The following BBS9 variants were observed in gnomAD, a reference collection of about 807,000 sequenced individuals.
BBS9 encodes Bardet-Biedl syndrome 9.
BBS9 carries 89 observed loss-of-function variants against 117.7 expected under a neutral mutation model. That is an observed-to-expected ratio of 0.76 (90% CI 0.64 to 0.90). The LOEUF (loss-of-function observed/expected upper bound fraction) is 0.90, where lower values mean the gene tolerates loss of function less well. Among genes scored for constraint, BBS9 ranks in the 40% least tolerant of loss-of-function variants. BBS9 has a pLI of 0.00. For missense variants in BBS9, 982 were observed against 1,042.2 expected, an observed-to-expected ratio of 0.94 and a Z score of 0.80; for synonymous variants, 379 against 370.9, an observed-to-expected ratio of 1.02 and a Z score of -0.25.
chr7:33,468,218 G>A (rs540792932), intron 19 of BBS9, among the ~76,000 whole-genome samples: 7 of 152,216 alleles, frequency 4.6e-5, no homozygotes, highest in Non-Finnish European at 7.4e-5. Context: ...AATGAAGGCC[G>A]TGTGGACACA....
At chr7:33,589,016 C>T (rs779007125) in intron 21 of BBS9, among the ~76,000 whole-genome samples, 1 of 152,082 alleles carries the variant, frequency 6.6e-6, no homozygotes. Context: ...CATGACTTTA[C>T]CTTTTAAAAC....
chr7:33,547,524 A>G (rs1449919721), intron 21 of BBS9, among the ~76,000 whole-genome samples: 4 of 152,244 alleles, frequency 2.6e-5, no homozygotes. Flanking sequence ...CTGGGTATAC[A>G]TGAAAAATTT....
chr7:33,578,467 A>G (rs1244696788), intron 21 of BBS9, among the ~76,000 whole-genome samples: 1 of 152,198 alleles, frequency 6.6e-6, no homozygotes, highest in African/African-American at 2.4e-5. Flanking sequence ...CTTTTTTCAC[A>G]GGAAGTCACC....
At chr7:33,564,194 T>A (rs910312947) in intron 21 of BBS9, among the ~76,000 whole-genome samples, 2 of 152,208 alleles carry the variant, frequency 1.3e-5, no homozygotes, top group African/African-American at 4.8e-5. Context: ...ATAGTGTAAT[T>A]TATCTGCTAT....
At chr7:33,315,777 A>G (rs1381321804) in intron 9 of BBS9, among the ~76,000 whole-genome samples, 1 of 152,186 alleles carries the variant, frequency 6.6e-6, no homozygotes, top group Non-Finnish European at 1.5e-5. Flanking sequence ...ATGTGTATAC[A>G]TGTATTAATT....
chr7:33,621,363 A>T (rs2129222841), intron 21 of BBS9, among the ~76,000 whole-genome samples: 1 of 152,332 alleles, frequency 6.6e-6, no homozygotes, highest in South Asian at 2.1e-4. Flanking sequence ...AAAGAATCTG[A>T]TTGAAAAATG....
Position 33,273,075 on chromosome 7 carries a change from T to C in BBS9, c.766T>C (p.Ser256Pro). 1 of 1,613,796 alleles carries C rather than the reference T, an allele frequency of 6.2e-7. No homozygotes were observed. The highest frequency in any genetic ancestry group is 8.5e-7 in the Non-Finnish European group (1 of 1,179,810). The change falls in exon 8 of 23, where the codon TCG (serine) becomes CCG (proline). Residue 256 changes from serine to proline, a missense_variant. Ser to Pro is a moderately conservative substitution (Grantham distance 74, BLOSUM62 -1). Transcript: ENST00000242067. ...CATATGTATTGTCTCTTTCAATCAGTCGGCATCCTCTGTTTTTGTTCTTGG... is the reference window on the plus strand; with the variant it reads ...CATATGTATTGTCTCTTTCAATCAGCCGGCATCCTCTGTTTTTGTTCTTGG... ...LDICIVSFNQ[S>P]ASSVFVLGER...
chr7:33,503,754 A>AG (rs1491315490), intron 19 of BBS9, among the ~76,000 whole-genome samples: 1 of 151,626 alleles, frequency 6.6e-6, no homozygotes, highest in Non-Finnish European at 1.5e-5. Context: ...AGGAAGAAAA[A>AG]GAGTATAAAC....
At chr7:33,349,360 G>A (rs764237032) in intron 13 of BBS9, 190 bp downstream of exon 13, 1 of 623,588 alleles carries the variant, frequency 1.6e-6, no homozygotes. Context: ...ATGATTGTTG[G>A]GTCAAATTAA....
intron 12 of BBS9, among the ~76,000 whole-genome samples, chr7:33,347,737 A>G (rs1172138002): frequency 6.6e-6 from 1 of 151,470 alleles, no homozygotes; most frequent in East Asian, 1.9e-4. Flanking sequence ...ATATATAAAA[A>G]TATTATATAT....
intron 19 of BBS9, among the ~76,000 whole-genome samples, chr7:33,417,293 G>A (rs1277894748): frequency 1.3e-5 from 2 of 152,168 alleles, no homozygotes; most frequent in African/African-American, 2.4e-5. Context: ...ACAGTTTATA[G>A]CATTGTCTCA....
At chr7:33,146,220 A>T (rs1291784944) in intron 1 of BBS9, 22 bp from the exon 2 acceptor site, 1 of 1,494,104 alleles carries the variant, frequency 6.7e-7, no homozygotes, top group Non-Finnish European at 9.3e-7. Flanking sequence ...GAAGTAGATT[A>T]TTATAAATGT....
At chr7:33,451,976 G>T (rs1837941034) in intron 19 of BBS9, among the ~76,000 whole-genome samples, 1 of 152,080 alleles carries the variant, frequency 6.6e-6, no homozygotes, top group Admixed American at 6.6e-5. Flanking sequence ...TGGGATTACA[G>T]GTGTGCAGCA....
intron 20 of BBS9, among the ~76,000 whole-genome samples, chr7:33,520,915 T>G (rs1031831571): frequency 5.3e-5 from 8 of 152,218 alleles, no homozygotes; most frequent in Admixed American, 5.2e-4. Context: ...CTGGGAAATC[T>G]GGTCCAAGTG....
At chr7:33,547,617 G>A (rs1853621232) in intron 21 of BBS9, among the ~76,000 whole-genome samples, 1 of 152,192 alleles carries the variant, frequency 6.6e-6, no homozygotes, top group Non-Finnish European at 1.5e-5. Flanking sequence ...TTGACAGAGC[G>A]AGAGGGGTAA....
At chr7:33,229,082 G>A (rs1041045274) in intron 5 of BBS9, among the ~76,000 whole-genome samples, 1 of 151,946 alleles carries the variant, frequency 6.6e-6, no homozygotes, top group African/African-American at 2.4e-5. Flanking sequence ...TATATTTAAG[G>A]TATACAACAT....
chr7:33,477,895 A>C (rs903522351), intron 19 of BBS9, among the ~76,000 whole-genome samples: 2 of 152,042 alleles, frequency 1.3e-5, no homozygotes, highest in Non-Finnish European at 2.9e-5. Context: ...ATCATTTGAA[A>C]CTTTTGGGTT....
At chr7:33,632,006 G>A (rs1470563385) in intron 21 of BBS9, among the ~76,000 whole-genome samples, 1 of 152,206 alleles carries the variant, frequency 6.6e-6, no homozygotes, top group African/African-American at 2.4e-5. Context: ...TGTATTTCGT[G>A]TTGAGGGAAA....
At chr7:33,384,356 G>A (rs1249354793) in intron 18 of BBS9, among the ~76,000 whole-genome samples, 1 of 152,168 alleles carries the variant, frequency 6.6e-6, no homozygotes, top group East Asian at 1.9e-4. Flanking sequence ...TGTTCTAACA[G>A]TAACTTTGTT....
Sources: allele counts gnomAD v4.1 joint callset (sites outside exome capture counted in the v4.1 genomes callset), GRCh38; gene constraint gnomAD v4.1.1; transcripts MANE v1.5; gene names NCBI Gene and HGNC (gene_info 2026-07-23, HGNC 2026-07-21).